Variants in FNDC1 observed in about 807,000 individuals in gnomAD.
The protein encoded by FNDC1 is fibronectin type III domain-containing protein 1.
Under a neutral mutation model 168.0 loss-of-function variants are expected in FNDC1, and 96 were observed. The ratio of observed to expected loss-of-function variants is 0.57; its 90% CI spans 0.48 to 0.68. FNDC1 has a LOEUF of 0.68. FNDC1 is among the 30% of genes least tolerant of loss of function. The pLI, the probability that FNDC1 is intolerant of heterozygous loss-of-function variation, is 0.00. For synonymous variants in FNDC1, 1,099 were observed against 1,025.9 expected, an observed-to-expected ratio of 1.07 and a Z score of -1.36; for missense variants, 2,587 against 2,482.1, an observed-to-expected ratio of 1.04 and a Z score of -0.90.
chr6:159,240,386 A>G (rs901544532), intron 14 of FNDC1, among the ~76,000 whole-genome samples: 1 of 152,220 alleles, frequency 6.6e-6, no homozygotes, highest in Admixed American at 6.5e-5. Flanking sequence ...TTCTGTGATT[A>G]GCTATGTGAT....
intron 5 of FNDC1, among the ~76,000 whole-genome samples, chr6:159,215,893 C>T (rs1782700591): frequency 6.6e-6 from 1 of 152,202 alleles, no homozygotes; most frequent in Admixed American, 6.5e-5. Flanking sequence ...GTCTGCCTTT[C>T]CCAGCCCACT....
chr6:159,244,769 C>T (rs1228702562), intron 14 of FNDC1, among the ~76,000 whole-genome samples: 2 of 152,152 alleles, frequency 1.3e-5, no homozygotes, highest in African/African-American at 4.8e-5. Context: ...TCTTTGGAGC[C>T]AGAGTACCTG....
chr6:159,178,381 G>T (rs2114920307), intron 1 of FNDC1, among the ~76,000 whole-genome samples: 1 of 152,196 alleles, frequency 6.6e-6, no homozygotes, highest in Admixed American at 6.5e-5. Flanking sequence ...TTTTCTCTTG[G>T]AGTCTCCCTC....
Position 159,233,057 on chromosome 6 carries a change from C to T in FNDC1, c.2545C>T (p.Pro849Ser), listed in dbSNP as rs1325445849. 1 of 1,610,134 alleles carries T rather than the reference C, an allele frequency of 6.2e-7. No homozygotes were observed. The highest frequency in any genetic ancestry group is 8.5e-7 in the Non-Finnish European group (1 of 1,178,434). ...ACCTCGGCTGCAGCCCTCCAGCTCC[C>T]CACAGTCGACTGTGCCCTCCCGAGC... is the stretch of plus-strand genomic sequence containing the variant. ...RGPRLQPSSS[P>S]QSTVPSRAHP... Residue 849 changes from proline (P) to serine (S), a missense_variant, in exon 11 of 23, where the codon CCA (proline) becomes TCA (serine). By Grantham distance (74) the Pro-to-Ser change is moderately conservative. Transcript: ENST00000297267. This position sits in a 1 kb window ranked among gnomAD's most constrained non-coding sequence, Gnocchi z 4.6.
At position 159,211,004 on chromosome 6, in the gene FNDC1, A is replaced by G. The variant is rs373015429; in HGVS notation, c.461-3941A>G. Reference sequence around the variant, plus strand: ...CCCTGGCCAGGTGCTTCTGGTTCACACTGAACTTCGAGCACCATGGCTCCG... The same window carrying G: ...CCCTGGCCAGGTGCTTCTGGTTCACGCTGAACTTCGAGCACCATGGCTCCG... On this transcript the variant is annotated intron_variant, in intron 4 of 22. Transcript: ENST00000297267. Among the ~76,000 whole-genome samples, 61 of 152,254 alleles carry G rather than the reference A, an allele frequency of 4.0e-4. No homozygotes were observed. In the East Asian group the frequency reaches 7.0e-3, roughly 17 times the overall value.
At position 159,271,572 on chromosome 6, in the gene FNDC1, C is replaced by T. The variant is rs1019865442; in HGVS notation, c.*130C>T. ...AGGTGCCAGGAAGGTCATAGATGGA[C>T]ACTGGCCATTCTGGTCATCTCAGTC... On this transcript the variant is annotated 3_prime_UTR_variant, in exon 23 of 23. Transcript: ENST00000297267. 1 of 658,950 alleles carries T rather than the reference C, an allele frequency of 1.5e-6. No individual in the cohort carries two copies. Among genetic ancestry groups the T allele is most frequent in the Non-Finnish European group, 2.8e-6 (1 of 360,482 alleles). The allele number at this position is 658,950 out of a possible 1,614,324, so 40.8% of individuals were successfully genotyped here.
chr6:159,198,326 A>G (rs1782295363), intron 2 of FNDC1, among the ~76,000 whole-genome samples: 1 of 152,202 alleles, frequency 6.6e-6, no homozygotes, highest in Non-Finnish European at 1.5e-5. Context: ...GCATTTAGGA[A>G]ACAGGTCTCC....
In FNDC1 at chr6:159,200,653, G is replaced by A. The variant is rs74915712; in HGVS notation, c.460+72G>A. ...CGTCTCGCAAGAGAGTTGTGCTTCCGTCACACACATGTGCTCACAAACCTT... is the reference window on the plus strand; with the variant it reads ...CGTCTCGCAAGAGAGTTGTGCTTCCATCACACACATGTGCTCACAAACCTT... On this transcript the variant is annotated intron_variant, in intron 4 of 22. Transcript: ENST00000297267. 1.3e-3 allele frequency: 1,599 copies of A among 1,224,408 alleles called. 21 individuals are homozygous for A. The East Asian group carries it at 0.028, about 22-fold the overall frequency. The allele number at this position is 1,224,408 out of a possible 1,614,324, so 75.8% of individuals were successfully genotyped here.
rs1783106646 is a variant in FNDC1 at position 159,232,360 on chromosome 6, T to C, written c.1848T>C (p.Ala616=). The change falls in exon 11 of 23, where the codon GCT becomes GCC. Residue 616 remains alanine (A), a synonymous_variant. Transcript: ENST00000297267. This position sits in a 1 kb window ranked among gnomAD's most constrained non-coding sequence, Gnocchi z 4.9. ...CCCGCCCAGGGGCGCCCCCCTCGGCTTCGGCCTCTCCTGCCCACCACGCGT... is the reference window on the plus strand; with the variant it reads ...CCCGCCCAGGGGCGCCCCCCTCGGCCTCGGCCTCTCCTGCCCACCACGCGT... The part of the protein sequence containing the change: ...TQPRPGAPPS[A]SASPAHHAST... 1 of 1,613,456 alleles carries C rather than the reference T, an allele frequency of 6.2e-7. No homozygotes were observed. The highest frequency in any genetic ancestry group is 1.1e-5 in the South Asian group (1 of 91,048).
At chr6:159,185,100 C>T (rs866231877) in intron 1 of FNDC1, among the ~76,000 whole-genome samples, 79 of 146,858 alleles carry the variant, frequency 5.4e-4, no homozygotes, top group African/African-American at 1.9e-3. Context: ...TGCTCTGAAA[C>T]GGTAGCTTTT....
intron 4 of FNDC1, among the ~76,000 whole-genome samples, chr6:159,210,372 T>C (rs898566353): frequency 6.6e-6 from 1 of 152,206 alleles, no homozygotes; most frequent in African/African-American, 2.4e-5. Context: ...TCCCTTAGCC[T>C]TTCTGAGCCT....
chr6:159,267,506 T>C (rs1003693122), intron 21 of FNDC1, among the ~76,000 whole-genome samples: 4 of 142,128 alleles, frequency 2.8e-5, no homozygotes, highest in African/African-American at 5.8e-5. Flanking sequence ...TCATCATTCC[T>C]TTTTTTTTTA....
rs1437888273 is a variant in FNDC1, at chr6:159,222,767, A to G, written c.767-761A>G. On this transcript the variant is annotated intron_variant, in intron 6 of 22. Transcript: ENST00000297267. ...TGAATCTTGCAGTTGTTTGAACCAG[A>G]ATTTTCATTTCATGCCATGATCATC... 2.6e-5 allele frequency among the ~76,000 whole-genome samples: 4 copies of G among 152,160 alleles called. No homozygotes were observed. The East Asian group carries it at 7.7e-4, about 29-fold the overall frequency.
chr6:159,260,477 C>A (rs1162019996), intron 18 of FNDC1, among the ~76,000 whole-genome samples: 3 of 152,200 alleles, frequency 2.0e-5, no homozygotes, highest in Admixed American at 1.3e-4. Context: ...CTCTCCGGAT[C>A]TTTCCCCCTT....
intron 12 of FNDC1, among the ~76,000 whole-genome samples, chr6:159,236,884 G>A (rs2114997652): frequency 6.6e-6 from 1 of 152,276 alleles, no homozygotes; most frequent in East Asian, 1.9e-4. Context: ...AGCTTTAATT[G>A]CTTGGGGTTA....
In FNDC1 at chr6:159,223,648, AC is replaced by A. The variant is rs771447603; in HGVS notation, c.884+4del. On this transcript the variant is annotated splice_donor_region_variant and intron_variant, in intron 7 of 22. Transcript: ENST00000297267. ...CAGAAGAAAGTTGTTGCATCAAGGT[AC>A]TTTTGCTTATTTATTTGTCTTTATA... The A allele has an allele frequency of 6.3e-7, 1 of 1,579,636 alleles. No individual in the cohort carries two copies. The highest frequency in any genetic ancestry group is 8.7e-7 in the Non-Finnish European group (1 of 1,149,982).
rs1256642375 is a variant in FNDC1, at chr6:159,169,459, G to C, written c.-138G>C. The C allele has an allele frequency of 5.5e-6, 1 of 180,772 alleles. No homozygotes were observed. Among genetic ancestry groups the C allele is most frequent in the Non-Finnish European group, 1.1e-5 (1 of 90,084 alleles). 11.2% of individuals were successfully genotyped at this position (180,772 alleles called of 1,614,324 possible). ...AGCGATCGCCGCGGGGCAGGGGCGCGGCGGGCACCGCGCAGAGCGCGCAGA... is the reference window on the plus strand; with the variant it reads ...AGCGATCGCCGCGGGGCAGGGGCGCCGCGGGCACCGCGCAGAGCGCGCAGA... On this transcript the variant is annotated 5_prime_UTR_variant, in exon 1 of 23. Transcript: ENST00000297267. This position sits in a 1 kb window ranked among gnomAD's most constrained non-coding sequence, Gnocchi z 6.8.
intron 5 of FNDC1, among the ~76,000 whole-genome samples, chr6:159,217,195 A>G: frequency 6.6e-6 from 1 of 152,226 alleles, no homozygotes; most frequent in Non-Finnish European, 1.5e-5. Context: ...GGCGTGGTAA[A>G]GGAGGAGAGG....
At position 159,271,548 on chromosome 6, in the gene FNDC1, G is replaced by A; in HGVS notation, c.*106G>A. 1 of 832,872 alleles carries A rather than the reference G, an allele frequency of 1.2e-6. No individual in the cohort carries two copies. 51.6% of individuals were successfully genotyped at this position (832,872 alleles called of 1,614,324 possible). A position where few individuals can be genotyped will look rare whatever the true frequency, so the allele number is the denominator to read the frequency against. On this transcript the variant is annotated 3_prime_UTR_variant, in exon 23 of 23. Transcript: ENST00000297267. ...CAGCGTGCTCAGCCCCGCTGCCCTAGGTGCCAGGAAGGTCATAGATGGACA... is the reference window on the plus strand; with the variant it reads ...CAGCGTGCTCAGCCCCGCTGCCCTAAGTGCCAGGAAGGTCATAGATGGACA...
Sources: gnomAD v4.1 joint callset for allele counts (sites outside exome capture counted in the v4.1 genomes callset) on GRCh38, gnomAD v4.1.1 for gene constraint, Gnocchi (gnomAD v3.1) non-coding constraint, MANE v1.5 for transcripts, NCBI Gene and HGNC (gene_info 2026-07-23, HGNC 2026-07-21) for gene names.